SGCZ: variants seen among roughly 807,000 people sequenced by gnomAD.
SGCZ encodes the protein zeta-sarcoglycan.
A neutral mutation model predicts 41.3 loss-of-function variants in SGCZ; 40 were observed. The observed-to-expected ratio is 0.97, with a 90% CI of 0.75 to 1.26. The LOEUF (loss-of-function observed/expected upper bound fraction) is 1.26, where lower values mean the gene tolerates loss of function less well. Among genes scored for constraint, SGCZ ranks in the 50% most tolerant of loss-of-function variants. SGCZ has a pLI of 0.00. For missense variants in SGCZ, 552 were observed against 369.8 expected (o/e 1.49, Z -4.04); for synonymous variants, 206 against 137.5 (o/e 1.50, Z -3.49).
chr8:14,361,146 G>A (rs796592600), intron 2 of SGCZ, among the ~76,000 whole-genome samples: 6 of 152,242 alleles, frequency 3.9e-5, no homozygotes, highest in African/African-American at 1.4e-4. Flanking sequence ...TTGTTAAGCT[G>A]CTGAGTTTTG....
chr8:14,979,734 T>G (rs1428881073), intron 1 of SGCZ, among the ~76,000 whole-genome samples: 3 of 152,238 alleles, frequency 2.0e-5, no homozygotes, highest in Non-Finnish European at 4.4e-5. Context: ...TCATTTCTTT[T>G]TCCTAAATAT....
intron 2 of SGCZ, among the ~76,000 whole-genome samples, chr8:14,492,645 A>G (rs915312489): frequency 2.0e-5 from 3 of 152,104 alleles, no homozygotes; most frequent in Non-Finnish European, 4.4e-5. Flanking sequence ...AGTCTAGTAC[A>G]AGTACTGATC....
intron 1 of SGCZ, among the ~76,000 whole-genome samples, chr8:14,948,797 T>C (rs556801865): frequency 6.6e-6 from 1 of 152,246 alleles, no homozygotes; most frequent in East Asian, 1.9e-4. Flanking sequence ...TGGTTTTTGT[T>C]TGTTTTTGTT....
At chr8:15,065,940 GT>G (rs1315324805) in intron 1 of SGCZ, among the ~76,000 whole-genome samples, 1 of 152,086 alleles carries the variant, frequency 6.6e-6, no homozygotes, top group African/African-American at 2.4e-5. Context: ...GAAATTTCAC[GT>G]CTTCCTTTTT....
At chr8:14,559,315 T>C (rs1052232254) in intron 1 of SGCZ, among the ~76,000 whole-genome samples, 7 of 152,102 alleles carry the variant, frequency 4.6e-5, no homozygotes, top group Non-Finnish European at 8.8e-5. Context: ...CACAAATCAG[T>C]AGTTCTGCTA....
chr8:14,397,363 T>C (rs986090334), intron 2 of SGCZ, among the ~76,000 whole-genome samples: 2 of 152,140 alleles, frequency 1.3e-5, no homozygotes, highest in Admixed American at 6.6e-5. Context: ...TTAAAATAAA[T>C]ATTAATGCTT....
At position 14,404,995 on chromosome 8, in the gene SGCZ, A is replaced by T. The variant is rs113394769; in HGVS notation, c.235-80791T>A. On this transcript the variant is annotated intron_variant, in intron 2 of 7. Transcript: ENST00000382080. ...CTGGCCAGGTGGCCTGTCCTTCGTG[A>T]TTGCACATCCAGCCTGGTGAGGCAG... Among the ~76,000 whole-genome samples, 1,034 of 152,148 alleles carry T rather than the reference A, an allele frequency of 6.8e-3. 15 individuals carry two copies. Among genetic ancestry groups the T allele is most frequent in the African/African-American group, 0.023 (975 of 41,506 alleles).
intron 1 of SGCZ, among the ~76,000 whole-genome samples, chr8:15,005,335 T>G (rs1322581166): frequency 6.8e-6 from 1 of 147,154 alleles, no homozygotes; most frequent in Non-Finnish European, 1.5e-5. Context: ...TTTCTTTTTT[T>G]TTTTTTTTTT....
chr8:14,614,352 T>C (rs1420640074), intron 1 of SGCZ, among the ~76,000 whole-genome samples: 3 of 152,178 alleles, frequency 2.0e-5, no homozygotes, highest in Admixed American at 2.0e-4. Context: ...ATCAACCGCC[T>C]ATAAATTTAC....
At chr8:15,203,253 T>C (rs1245654080) in intron 1 of SGCZ, among the ~76,000 whole-genome samples, 1 of 152,206 alleles carries the variant, frequency 6.6e-6, no homozygotes. Flanking sequence ...GTAAGTAAAT[T>C]TAAATGTAAA....
At chr8:14,598,785 T>C (rs943240593) in intron 1 of SGCZ, among the ~76,000 whole-genome samples, 2 of 152,028 alleles carry the variant, frequency 1.3e-5, no homozygotes, top group South Asian at 2.1e-4. Flanking sequence ...TGACTTGGCC[T>C]CCCAACATGC....
At chr8:14,102,537 AAC>A (rs1563127582) in intron 6 of SGCZ, 38 bp from the exon 7 acceptor site, 3 of 1,334,600 alleles carry the variant, frequency 2.2e-6, no homozygotes, top group Non-Finnish European at 2.9e-6. Context: ...AGGAAAAAAA[AAC>A]ACAAAAAAAT....
At chr8:14,325,567 CAT>C (rs1357120571) in intron 2 of SGCZ, among the ~76,000 whole-genome samples, 1 of 142,222 alleles carries the variant, frequency 7.0e-6, no homozygotes, top group Non-Finnish European at 1.6e-5. Context: ...TAATCATAAT[CAT>C]ATATAATAGA....
intron 2 of SGCZ, among the ~76,000 whole-genome samples, chr8:14,359,150 T>A (rs1336426139): frequency 6.6e-6 from 1 of 152,058 alleles, no homozygotes; most frequent in Non-Finnish European, 1.5e-5. Flanking sequence ...ATAGAACAGA[T>A]TTAACCCAAA....
At chr8:14,437,938 T>C (rs1018735461) in intron 2 of SGCZ, among the ~76,000 whole-genome samples, 3 of 151,962 alleles carry the variant, frequency 2.0e-5, no homozygotes, top group African/African-American at 7.2e-5. Context: ...CCGATTTGTG[T>C]TGTAAATAGT....
At chr8:15,164,493 G>C (rs1799597430) in intron 1 of SGCZ, among the ~76,000 whole-genome samples, 1 of 152,048 alleles carries the variant, frequency 6.6e-6, no homozygotes, top group Admixed American at 6.6e-5. Flanking sequence ...CCCAGCCCAG[G>C]GGTTTTACTC....
chr8:14,175,147 GA>G (rs1804505184), intron 4 of SGCZ, among the ~76,000 whole-genome samples: 1 of 151,992 alleles, frequency 6.6e-6, no homozygotes, highest in East Asian at 1.9e-4. Context: ...TGCCCTAGAA[GA>G]AAAAAATTTT....
At chr8:15,153,827 T>C (rs1799249956) in intron 1 of SGCZ, among the ~76,000 whole-genome samples, 2 of 152,176 alleles carry the variant, frequency 1.3e-5, no homozygotes, top group African/African-American at 4.8e-5. Flanking sequence ...TGTTTAATTA[T>C]AAATTAAATT....
intron 2 of SGCZ, among the ~76,000 whole-genome samples, chr8:14,527,816 T>C (rs1239526797): frequency 6.6e-6 from 1 of 152,082 alleles, no homozygotes; most frequent in Non-Finnish European, 1.5e-5. Flanking sequence ...CCCATGTCCA[T>C]AACAATTCTT....
Sources: allele counts gnomAD v4.1 joint callset (sites outside exome capture counted in the v4.1 genomes callset), GRCh38; gene constraint gnomAD v4.1.1; transcripts MANE v1.5; gene names NCBI Gene and HGNC (gene_info 2026-07-23, HGNC 2026-07-21).